The following MALL variants were observed in gnomAD, a reference collection of about 807,000 sequenced individuals.
The protein encoded by MALL is MAL-like protein.
A neutral mutation model predicts 10.3 loss-of-function variants in MALL; 2 were observed. That is an observed-to-expected ratio of 0.19 (90% confidence interval 0.08 to 0.61). The LOEUF (loss-of-function observed/expected upper bound fraction) is 0.61. Among genes scored for constraint, MALL ranks in the 20% least tolerant of loss-of-function variants. The probability of loss-of-function intolerance (pLI) is 0.88; values close to 1 mark genes in which losing one functional copy is unlikely to be tolerated. For missense variants in MALL, 39 were observed against 115.2 expected (o/e 0.34, Z 3.03); for synonymous variants, 27 against 51.8 (o/e 0.52, Z 2.05).
chr2:110,100,390 T>C (rs1341935936), intron 1 of MALL, among the ~76,000 whole-genome samples: 1 of 151,998 alleles, frequency 6.6e-6, no homozygotes, highest in African/African-American at 2.4e-5. Flanking sequence ...GGAGGATCCT[T>C]TGGGCTCGGG....
At chr2:110,117,845 G>A (rs1259944677), upstream of MALL, among the ~76,000 whole-genome samples, 1 of 151,770 alleles carries the variant, frequency 6.6e-6, no homozygotes. Context: ...ACAAAAAACA[G>A]AGATTTTCTA....
chr2:110,094,916 C>G (rs1304249557), intron 1 of MALL, among the ~76,000 whole-genome samples: 1 of 91,358 alleles, frequency 1.1e-5, no homozygotes, highest in Non-Finnish European at 2.2e-5. Flanking sequence ...CCTTGTCCTA[C>G]CTTTCACAAC....
At chr2:110,102,473 T>A (rs760835494) in intron 1 of MALL, among the ~76,000 whole-genome samples, 1 of 152,176 alleles carries the variant, frequency 6.6e-6, no homozygotes, top group African/African-American at 2.4e-5. Context: ...GAGCCTGGCA[T>A]AAAGCAAGTG....
chr2:110,108,116 C>T (rs187135201), intron 1 of MALL, among the ~76,000 whole-genome samples: 41 of 152,136 alleles, frequency 2.7e-4, no homozygotes, highest in African/African-American at 7.2e-4. Context: ...GGTAATATGA[C>T]GAAACAAGGA....
At chr2:110,103,679 C>T (rs1336237329) in intron 1 of MALL, among the ~76,000 whole-genome samples, 2 of 152,188 alleles carry the variant, frequency 1.3e-5, no homozygotes, top group Non-Finnish European at 2.9e-5. Context: ...ATGCCAGCAG[C>T]CGGTGGCTCC....
chr2:110,118,047 T>G (rs1273141594), upstream of MALL, among the ~76,000 whole-genome samples: 2 of 151,982 alleles, frequency 1.3e-5, no homozygotes, highest in Non-Finnish European at 2.9e-5. Flanking sequence ...GAATTCTGGT[T>G]TCCTTCCCAA....
chr2:110,112,878 A>G (rs1266274548), intron 1 of MALL, among the ~76,000 whole-genome samples: 3 of 149,442 alleles, frequency 2.0e-5, no homozygotes, highest in African/African-American at 7.3e-5. Flanking sequence ...TGTGATATAT[A>G]TATATATGTA....
chr2:110,105,919 T>G (rs1395531083), intron 1 of MALL, among the ~76,000 whole-genome samples: 1 of 152,100 alleles, frequency 6.6e-6, no homozygotes, highest in Non-Finnish European at 1.5e-5. Context: ...AGCAGCAGGT[T>G]GGAATGAAGG....
At chr2:110,099,232 T>G (rs10190967) in intron 1 of MALL, among the ~76,000 whole-genome samples, 3,039 of 152,188 alleles carry the variant, frequency 0.02, 118 homozygotes, top group East Asian at 0.092. Context: ...GCACGAGAAC[T>G]CAAACAGGAA....
chr2:110,113,507 A>G (rs971459205), intron 1 of MALL, among the ~76,000 whole-genome samples: 1 of 151,816 alleles, frequency 6.6e-6, no homozygotes, highest in African/African-American at 2.4e-5. Context: ...AGTGCACCAA[A>G]ATCTTACAAA....
chr2:110,108,952 A>G (rs954712408), intron 1 of MALL, among the ~76,000 whole-genome samples: 2 of 152,206 alleles, frequency 1.3e-5, no homozygotes, highest in African/African-American at 4.8e-5. Flanking sequence ...AGCATCATAT[A>G]TGGAGGAAGG....
chr2:110,103,649 G>T (rs1678627568), intron 1 of MALL, among the ~76,000 whole-genome samples: 1 of 152,184 alleles, frequency 6.6e-6, no homozygotes, highest in Non-Finnish European at 1.5e-5. Flanking sequence ...AGACTGCCCG[G>T]GGCCTCTCTG....
chr2:110,103,666 T>G (rs1450133436), intron 1 of MALL, among the ~76,000 whole-genome samples: 1 of 152,150 alleles, frequency 6.6e-6, no homozygotes, highest in African/African-American at 2.4e-5. Context: ...TCTGTTAGAC[T>G]CCATGCCAGC....
chr2:110,105,424 T>C (rs2104389168), intron 1 of MALL, among the ~76,000 whole-genome samples: 1 of 152,306 alleles, frequency 6.6e-6, no homozygotes, highest in South Asian at 2.1e-4. Flanking sequence ...TTGGCCATTA[T>C]TCCAACGGGA....
chr2:110,115,737 C>G lies in MALL; in HGVS notation c.56G>C (p.Gly19Ala). 1 of 1,292,338 alleles carries G rather than the reference C, an allele frequency of 7.7e-7. No homozygotes were observed. The highest frequency in any genetic ancestry group is 9.9e-7 in the Non-Finnish European group (1 of 1,012,634). The allele number at this position is 1,292,338 out of a possible 1,614,324, so 80.1% of individuals were successfully genotyped here. ...AGGGATGGTGAGGAACAGCGCGACCCCCGAGGGCACGTCGGACGGGGCGTA... is the reference window on the plus strand; with the variant it reads ...AGGGATGGTGAGGAACAGCGCGACCGCCGAGGGCACGTCGGACGGGGCGTA... Reference protein sequence around the residue: ...TSYAPSDVPSGVALFLTIPFA... With the variant: ...TSYAPSDVPSAVALFLTIPFA... Residue 19 changes from glycine to alanine, a missense_variant, in exon 1 of 4, where the codon GGG becomes GCG. Coordinates refer to ENST00000272462, the MANE Select transcript of MALL (RefSeq NM_005434.5).
intron 1 of MALL, among the ~76,000 whole-genome samples, chr2:110,109,243 C>T (rs961027770): frequency 2.0e-5 from 3 of 152,142 alleles, no homozygotes; most frequent in African/African-American, 7.2e-5. Flanking sequence ...AAATGATCCA[C>T]TTAAAAGACA....
At chr2:110,098,078 T>G (rs1678484080) in intron 1 of MALL, among the ~76,000 whole-genome samples, 2 of 151,976 alleles carry the variant, frequency 1.3e-5, no homozygotes, top group South Asian at 4.2e-4. Flanking sequence ...CTGGATGTCC[T>G]GAAGGCTCCC....
At chr2:110,113,435 C>CAAAAAAA (rs58360665) in intron 1 of MALL, among the ~76,000 whole-genome samples, 2 of 31,820 alleles carry the variant, frequency 6.3e-5, no homozygotes, top group Admixed American at 3.7e-4. Context: ...GACTCTGTCT[C>CAAAAAAA]AAAAAAAAAA....
intron 1 of MALL, chr2:110,097,698 T>G (rs1342764312): frequency 2.9e-6 from 1 of 339,842 alleles, no homozygotes. Context: ...GGGTTTGGGG[T>G]GGGGCAGACA....
Sources: gnomAD v4.1 joint callset for allele counts (sites outside exome capture counted in the v4.1 genomes callset) on GRCh38, gnomAD v4.1.1 for gene constraint, MANE v1.5 for transcripts, NCBI Gene and HGNC (gene_info 2026-07-23, HGNC 2026-07-21) for gene names.